The following CTNND2 variants were observed in gnomAD, a reference collection of about 807,000 sequenced individuals.
CTNND2 encodes the protein catenin delta-2.
In CTNND2, 22 loss-of-function variants were observed where a neutral mutation model predicts 144.4. The ratio of observed to expected loss-of-function variants is 0.15; its 90% CI spans 0.11 to 0.22. The LOEUF (loss-of-function observed/expected upper bound fraction) is 0.22. Ranked by LOEUF, CTNND2 falls within the 10% of genes least tolerant of loss-of-function variation. CTNND2 has a pLI of 1.00. For synonymous variants in CTNND2, 751 were observed against 695.6 expected, an observed-to-expected ratio of 1.08 and a Z score of -1.25; for missense variants, 1,353 against 1,618.8, an observed-to-expected ratio of 0.84 and a Z score of 2.82.
At chr5:11,695,172 G>A (rs552033168) in intron 2 of CTNND2, among the ~76,000 whole-genome samples, 2 of 152,302 alleles carry the variant, frequency 1.3e-5, no homozygotes, top group South Asian at 4.1e-4. Flanking sequence ...GAGACAGGCT[G>A]GAAGAAGAGG....
At chr5:11,354,767 T>C (rs554097941) in intron 8 of CTNND2, among the ~76,000 whole-genome samples, 25 of 152,288 alleles carry the variant, frequency 1.6e-4, no homozygotes, top group African/African-American at 5.5e-4. Context: ...CAGACATTTA[T>C]AGAACATTCC....
At chr5:11,110,781 C>G in intron 14 of CTNND2, 77 bp downstream of exon 14, 1 of 1,340,412 alleles carries the variant, frequency 7.5e-7, no homozygotes, top group Non-Finnish European at 1.0e-6. Context: ...AGGGCTCATT[C>G]TCTATATATT....
chr5:11,120,698 CAT>C, intron 12 of CTNND2, among the ~76,000 whole-genome samples: 1 of 151,406 alleles, frequency 6.6e-6, no homozygotes, highest in Admixed American at 6.6e-5. Context: ...GCTCAGTATA[CAT>C]ACAGACTTCA....
At chr5:11,844,615 C>G (rs1269434067) in intron 1 of CTNND2, among the ~76,000 whole-genome samples, 2 of 151,796 alleles carry the variant, frequency 1.3e-5, no homozygotes, top group African/African-American at 4.9e-5. Context: ...CTGGCATATC[C>G]CAGAACTCTA....
At chr5:11,330,657 CCT>C (rs542121580) in intron 9 of CTNND2, among the ~76,000 whole-genome samples, 8 of 151,664 alleles carry the variant, frequency 5.3e-5, no homozygotes, top group South Asian at 4.2e-4. Flanking sequence ...ACCCCCACCC[CCT>C]GTCTCTACTA....
intron 2 of CTNND2, among the ~76,000 whole-genome samples, chr5:11,725,456 C>T (rs1483607755): frequency 3.3e-5 from 5 of 152,152 alleles, no homozygotes; most frequent in South Asian, 2.1e-4. Flanking sequence ...CTCTTCTCCT[C>T]GTTAAATAAG....
In CTNND2 at chr5:11,367,778, CAATCAAAACATGGATGAGCCAAAGAGA is replaced by C. The variant is rs531217916; in HGVS notation, c.1178-2915_1178-2889del. ...CAAGACCCTGCAGGATGGCAAAGTG[CAATCAAAACATGGATGAGCCAAAGAGA>C]AAAGGGGAAGTAGATCCACAGACCA... On this transcript the variant is annotated intron_variant, in intron 7 of 21. Transcript: ENST00000304623. 1.0e-3 allele frequency among the ~76,000 whole-genome samples: 153 copies of C among 152,282 alleles called. 5 individuals carry two copies. In the South Asian group the frequency reaches 0.032, roughly 31 times the overall value.
chr5:11,141,217 G>A (rs1756689431), intron 12 of CTNND2, among the ~76,000 whole-genome samples: 2 of 152,194 alleles, frequency 1.3e-5, no homozygotes, highest in African/African-American at 2.4e-5. Flanking sequence ...GCCTCCCAAA[G>A]TGCTGGGATT....
chr5:11,058,519 A>C (rs915610571), intron 16 of CTNND2, among the ~76,000 whole-genome samples: 2 of 152,240 alleles, frequency 1.3e-5, no homozygotes, highest in African/African-American at 4.8e-5. Flanking sequence ...AGATGCATGG[A>C]AACGCCTGGA....
chr5:11,096,974 T>C (rs940035421), intron 15 of CTNND2, among the ~76,000 whole-genome samples: 1 of 152,192 alleles, frequency 6.6e-6, no homozygotes, highest in African/African-American at 2.4e-5. Flanking sequence ...TTTTAGCTCA[T>C]GAGCACGTGA....
At chr5:11,567,284 C>T (rs999775954) in intron 2 of CTNND2, among the ~76,000 whole-genome samples, 1 of 152,024 alleles carries the variant, frequency 6.6e-6, no homozygotes, top group Non-Finnish European at 1.5e-5. Context: ...TTTCTCTTTA[C>T]CAGAAGCACT....
intron 7 of CTNND2, among the ~76,000 whole-genome samples, chr5:11,376,322 G>GTGCGTGTGTGTGTGTTCATATATC (rs60937559): frequency 6.8e-6 from 1 of 146,080 alleles, no homozygotes; most frequent in Non-Finnish European, 1.5e-5. Flanking sequence ...TTGTGTGTGT[G>GTGCGTGTGTGTGTGTTCATATATC]TGTGTGTGTG....
intron 1 of CTNND2, among the ~76,000 whole-genome samples, chr5:11,735,905 A>T (rs1471815877): frequency 6.6e-6 from 1 of 152,206 alleles, no homozygotes; most frequent in Non-Finnish European, 1.5e-5. Flanking sequence ...GGAGCACCTC[A>T]TGCTGAGAAA....
At chr5:11,472,974 G>C (rs1409060420) in intron 3 of CTNND2, among the ~76,000 whole-genome samples, 1 of 152,114 alleles carries the variant, frequency 6.6e-6, no homozygotes, top group African/African-American at 2.4e-5. Context: ...AGGAGTCTGA[G>C]GCAAGAGAAT....
intron 9 of CTNND2, among the ~76,000 whole-genome samples, chr5:11,277,814 A>C (rs1289927076): frequency 6.6e-6 from 1 of 152,050 alleles, no homozygotes; most frequent in Non-Finnish European, 1.5e-5. Flanking sequence ...TACAGGTGTG[A>C]GCCACCGCAT....
chr5:11,244,436 C>G (rs887930376), intron 9 of CTNND2, among the ~76,000 whole-genome samples: 2 of 152,004 alleles, frequency 1.3e-5, no homozygotes, highest in Non-Finnish European at 1.5e-5. Flanking sequence ...AGGCACCCAC[C>G]ACCACACCTG....
intron 1 of CTNND2, among the ~76,000 whole-genome samples, chr5:11,882,406 T>A (rs1217039292): frequency 6.6e-6 from 1 of 152,112 alleles, no homozygotes; most frequent in African/African-American, 2.4e-5. Context: ...TTCTATATGC[T>A]GAGAGACAGG....
At chr5:11,057,521 G>C (rs189142409) in intron 16 of CTNND2, among the ~76,000 whole-genome samples, 16 of 152,284 alleles carry the variant, frequency 1.1e-4, no homozygotes, top group African/African-American at 3.8e-4. Context: ...TGATTGTCAG[G>C]CCTCCCCAGC....
intron 9 of CTNND2, among the ~76,000 whole-genome samples, chr5:11,335,254 C>T (rs1332573414): frequency 6.6e-6 from 1 of 152,178 alleles, no homozygotes; most frequent in Non-Finnish European, 1.5e-5. Context: ...TTCTCCTTAT[C>T]AAGGTCAGTA....
Sources: allele counts gnomAD v4.1 joint callset (sites outside exome capture counted in the v4.1 genomes callset), GRCh38; gene constraint gnomAD v4.1.1; transcripts MANE v1.5; gene names NCBI Gene and HGNC (gene_info 2026-07-23, HGNC 2026-07-21).